The following KANSL2 variants were observed in gnomAD, a reference collection of about 807,000 sequenced individuals.
KANSL2 encodes KAT8 regulatory NSL complex subunit 2, also known as NSL complex protein NSL2.
KANSL2 carries 34 observed loss-of-function variants against 55.6 expected under a neutral mutation model. The observed-to-expected ratio is 0.61, with a 90% confidence interval of 0.46 to 0.81. KANSL2 has a LOEUF of 0.81. Ranked by LOEUF, KANSL2 falls within the 40% of genes least tolerant of loss-of-function variation. KANSL2 has a pLI of 0.00. For missense variants in KANSL2, 502 were observed against 609.9 expected (o/e 0.82, Z 1.86); for synonymous variants, 209 against 214.3 (o/e 0.98, Z 0.22).
chr12:48,654,898 G>C, intron 9 of KANSL2, 43 bp downstream of exon 9: 1 of 1,549,888 alleles, frequency 6.5e-7, no homozygotes, highest in Non-Finnish European at 8.7e-7. Flanking sequence ...TGCCTGGCCA[G>C]GTCACTACAT....
chr12:48,669,603 C>T (rs547153372), intron 5 of KANSL2, among the ~76,000 whole-genome samples: 3 of 151,954 alleles, frequency 2.0e-5, no homozygotes, highest in South Asian at 2.1e-4. Context: ...CTGCAAGCTC[C>T]GCCCCCCAGG....
Position 48,659,982 on chromosome 12 carries a change from C to A in KANSL2, c.1227+384G>T, listed in dbSNP as rs558828834. 2.0e-5 allele frequency among the ~76,000 whole-genome samples: 3 copies of A among 152,144 alleles called. No homozygotes were observed. In the East Asian group the frequency reaches 5.8e-4, roughly 29 times the overall value. ...AAAGTAGATTCATCGTGGCCAGGGG[C>A]TGAGGGGAGAAGAAAATGAAGAGTG... On this transcript the variant is annotated intron_variant, in intron 8 of 9. Transcript: ENST00000420613.
rs1939878573 is a variant in KANSL2 at position 48,679,274 on chromosome 12, CTT to C, written c.431-126_431-125del. The stretch of plus-strand genomic sequence containing the variant: ...TAAAAACAAAACAAAAAAAAAAACA[CTT>C]AGTACAAAGGTACTGGCAAATAAAA... On this transcript the variant is annotated intron_variant, in intron 3 of 9. Coordinates refer to ENST00000420613, the MANE Select transcript of KANSL2 (RefSeq NM_017822.4). The C allele has an allele frequency of 4.0e-6, 3 of 742,030 alleles. No homozygotes were observed. The African/African-American group carries it at 5.2e-5, about 13-fold the overall frequency. 46.0% of individuals were successfully genotyped at this position (742,030 alleles called of 1,614,324 possible).
chr12:48,680,736 G>C (rs1294526591), intron 2 of KANSL2, among the ~76,000 whole-genome samples: 1 of 152,098 alleles, frequency 6.6e-6, no homozygotes, highest in African/African-American at 2.4e-5. Flanking sequence ...CAACACTCTG[G>C]GAGGCCGAGG....
At position 48,679,832 on chromosome 12, in the gene KANSL2, C is replaced by A. The variant is rs764295533; in HGVS notation, c.253G>T (p.Val85Leu). The A allele has an allele frequency of 1.9e-6, 3 of 1,593,716 alleles. No individual in the cohort carries two copies. The highest frequency in any genetic ancestry group is 2.3e-5 in the South Asian group (2 of 88,240). The change falls in exon 3 of 10, where the codon GTG (valine) becomes TTG (leucine). Residue 85 changes from valine (V) to leucine (L), a missense_variant and splice_region_variant. Coordinates refer to ENST00000420613, the MANE Select transcript of KANSL2 (RefSeq NM_017822.4). Reference sequence around the variant, plus strand: ...CGGACATGTTCAGCACAGAAGGACACCCTGAAGAGACAAAACATTAATATT... The same window carrying A: ...CGGACATGTTCAGCACAGAAGGACAACCTGAAGAGACAAAACATTAATATT... The part of the protein sequence containing the change: ...AAPKPEKKDG[V>L]SFCAEHVRRN...
chr12:48,671,751 T>A (rs1450180151), intron 5 of KANSL2, 48 bp downstream of exon 5: 1 of 1,554,836 alleles, frequency 6.4e-7, no homozygotes, highest in Admixed American at 1.9e-5. Flanking sequence ...ACTACCAAAT[T>A]CACATGTTAA....
At chr12:48,671,449 C>A (rs886324121) in intron 5 of KANSL2, among the ~76,000 whole-genome samples, 11 of 151,992 alleles carry the variant, frequency 7.2e-5, no homozygotes, top group Non-Finnish European at 1.6e-4. Context: ...ACTCACTCGC[C>A]CAAAATAACT....
chr12:48,676,640 A>G (rs1939827323), intron 4 of KANSL2, among the ~76,000 whole-genome samples: 1 of 152,090 alleles, frequency 6.6e-6, no homozygotes, highest in Admixed American at 6.6e-5. Flanking sequence ...CCTGGGTGAC[A>G]AGAGTGAAAC....
intron 8 of KANSL2, chr12:48,656,719 T>C (rs746871046): frequency 1.9e-6 from 1 of 518,456 alleles, no homozygotes; most frequent in African/African-American, 1.9e-5. Context: ...AAGGAAGACA[T>C]CACTCTTAGC....
At chr12:48,655,106 A>G in intron 8 of KANSL2, 46 bp from the exon 9 acceptor site, 3 of 1,540,940 alleles carry the variant, frequency 1.9e-6, no homozygotes, top group Non-Finnish European at 2.6e-6. Flanking sequence ...GGGAAACAGT[A>G]ATAAAGTTGG....
intron 4 of KANSL2, among the ~76,000 whole-genome samples, chr12:48,677,441 C>T (rs549682825): frequency 2.0e-5 from 3 of 152,168 alleles, no homozygotes; most frequent in South Asian, 2.1e-4. Flanking sequence ...AGAGAGCATA[C>T]ATCTCTTCAA....
intron 8 of KANSL2, among the ~76,000 whole-genome samples, chr12:48,657,784 T>C (rs954462948): frequency 1.3e-5 from 2 of 151,888 alleles, no homozygotes; most frequent in African/African-American, 4.8e-5. Flanking sequence ...ATCCAGCTAA[T>C]TGTTGTATTT....
chr12:48,660,352 C>A lies in KANSL2; in HGVS notation c.1227+14G>T. 1 of 1,613,140 alleles carries A rather than the reference C, an allele frequency of 6.2e-7. No homozygotes were observed. The highest frequency in any genetic ancestry group is 2.2e-5 in the East Asian group (1 of 44,872). Reference sequence around the variant, plus strand: ...CTCAAGGGCCTGAACCAAAGCAGAGCTTCTCTAACTTACATCACTGAACTC... The same window carrying A: ...CTCAAGGGCCTGAACCAAAGCAGAGATTCTCTAACTTACATCACTGAACTC... On this transcript the variant is annotated intron_variant, in intron 8 of 9. Coordinates refer to ENST00000420613, the MANE Select transcript of KANSL2 (RefSeq NM_017822.4).
rs1227266217 is a variant in KANSL2, at chr12:48,679,851, T to C, written c.252-18A>G. 2.6e-6 allele frequency: 4 copies of C among 1,554,672 alleles called. No individual in the cohort carries two copies. The highest frequency in any genetic ancestry group is 3.5e-6 in the Non-Finnish European group (4 of 1,148,326). On this transcript the variant is annotated intron_variant, in intron 2 of 9. Coordinates refer to ENST00000420613, the MANE Select transcript of KANSL2 (RefSeq NM_017822.4). ...AGGACACCCTGAAGAGACAAAACAT[T>C]AATATTTTATAAGTTCCTTCTTGAA... is the stretch of plus-strand genomic sequence containing the variant.
At chr12:48,676,631 C>CT in intron 4 of KANSL2, among the ~76,000 whole-genome samples, 1 of 152,072 alleles carries the variant, frequency 6.6e-6, no homozygotes, top group Non-Finnish European at 1.5e-5. Context: ...GCACTCCAGC[C>CT]TGGGTGACAA....
chr12:48,671,242 G>T (rs1162011978), intron 5 of KANSL2, among the ~76,000 whole-genome samples: 1 of 143,866 alleles, frequency 7.0e-6, no homozygotes, highest in Non-Finnish European at 1.5e-5. Flanking sequence ...TCCAGCCTGG[G>T]CAACAGAGTG....
intron 7 of KANSL2, among the ~76,000 whole-genome samples, chr12:48,660,942 T>C (rs577126325): frequency 2.0e-5 from 3 of 152,254 alleles, no homozygotes; most frequent in Non-Finnish European, 4.4e-5. Context: ...CACACACATA[T>C]TCAGAAGAAA....
chr12:48,676,394 T>G (rs1274864371), intron 4 of KANSL2, among the ~76,000 whole-genome samples: 1 of 151,976 alleles, frequency 6.6e-6, no homozygotes, highest in Non-Finnish European at 1.5e-5. Context: ...GGCGCACTGG[T>G]TCGTCCCTGT....
At position 48,654,088 on chromosome 12, in the gene KANSL2, A is replaced by G. The variant is rs1443113064; in HGVS notation, c.1435T>C (p.Leu479=). Residue 479 remains leucine, a synonymous_variant, in exon 10 of 10, where the codon TTG becomes CTG. Transcript: ENST00000420613. ...KASAPLSQSG[L]ATANGKPEPT... ...TCTGGCTTCCCATTTGCAGTAGCCA[A>G]TCCACTCTGAGACAATGGTGCAGAG... The G allele has an allele frequency of 6.2e-7, 1 of 1,612,274 alleles. No homozygotes were observed. The highest frequency in any genetic ancestry group is 8.5e-7 in the Non-Finnish European group (1 of 1,179,158).
Sources: allele counts gnomAD v4.1 joint callset (sites outside exome capture counted in the v4.1 genomes callset), GRCh38; gene constraint gnomAD v4.1.1; transcripts MANE v1.5; gene names NCBI Gene and HGNC (gene_info 2026-07-23, HGNC 2026-07-21).